Variants in KAZN observed in about 807,000 individuals in gnomAD.
The protein encoded by KAZN is kazrin.
Under a neutral mutation model 87.4 loss-of-function variants are expected in KAZN, and 40 were observed. The ratio of observed to expected loss-of-function variants is 0.46; its 90% confidence interval spans 0.36 to 0.60. The LOEUF (loss-of-function observed/expected upper bound fraction) is 0.60. Ranked by LOEUF, KAZN falls within the 20% of genes least tolerant of loss-of-function variation. The pLI is 0.00. For synonymous variants in KAZN, 466 were observed against 458.3 expected, an observed-to-expected ratio of 1.02 and a Z score of -0.22; for missense variants, 898 against 1,073.9, an observed-to-expected ratio of 0.84 and a Z score of 2.29.
chr1:15,085,759 A>G (rs1478688085), intron 8 of KAZN, among the ~76,000 whole-genome samples: 1 of 152,246 alleles, frequency 6.6e-6, no homozygotes, highest in Admixed American at 6.5e-5. Context: ...ATAGGAAAAA[A>G]TAGAATTAGA....
chr1:14,348,646 G>C (rs1178001473), intron 2 of KAZN, among the ~76,000 whole-genome samples: 1 of 152,140 alleles, frequency 6.6e-6, no homozygotes, highest in African/African-American at 2.4e-5. Flanking sequence ...GCGAAGAGGG[G>C]GATAGTTCAC....
intron 2 of KAZN, among the ~76,000 whole-genome samples, chr1:14,372,761 T>C (rs1420815247): frequency 1.3e-5 from 2 of 152,222 alleles, no homozygotes; most frequent in Admixed American, 1.3e-4. Context: ...AAAGAAACTA[T>C]GCATTCATTT....
In KAZN at chr1:14,115,447, T is replaced by C. The variant is rs75110739; in HGVS notation, c.92-64988T>C. 7.2e-4 allele frequency among the ~76,000 whole-genome samples: 110 copies of C among 152,280 alleles called. No individual in the cohort carries two copies. The East Asian group carries it at 0.021, about 29-fold the overall frequency. ...ATGATAGTGAATAAGTCTTATGAGATCTAATGGTTCCAAAAAGGGAACTTT... is the reference window on the plus strand; with the variant it reads ...ATGATAGTGAATAAGTCTTATGAGACCTAATGGTTCCAAAAAGGGAACTTT... On this transcript the variant is annotated intron_variant, in intron 1 of 16. Coordinates refer to the KAZN transcript ENST00000636203.
At chr1:14,583,937 G>T (rs913795872) in intron 2 of KAZN, among the ~76,000 whole-genome samples, 6 of 152,192 alleles carry the variant, frequency 3.9e-5, no homozygotes, top group Admixed American at 3.9e-4. Flanking sequence ...TGGAAGCCCA[G>T]TGTGTCTGAT....
intron 2 of KAZN, among the ~76,000 whole-genome samples, chr1:14,343,809 A>G (rs940620584): frequency 1.3e-5 from 2 of 152,200 alleles, no homozygotes; most frequent in African/African-American, 2.4e-5. Context: ...GGCACTTAAC[A>G]TGAGCGGGCA....
At chr1:14,828,415 A>G (rs927045686) in intron 1 of KAZN, among the ~76,000 whole-genome samples, 1 of 152,186 alleles carries the variant, frequency 6.6e-6, no homozygotes, top group African/African-American at 2.4e-5. Flanking sequence ...AATTACAGCT[A>G]TTATCGATCA....
At chr1:15,014,752 C>T (rs1345090118) in intron 2 of KAZN, among the ~76,000 whole-genome samples, 1 of 152,156 alleles carries the variant, frequency 6.6e-6, no homozygotes, top group Non-Finnish European at 1.5e-5. Context: ...AAGGGATGGT[C>T]AGACAGTCAG....
rs1451261289 is a variant in KAZN, at chr1:15,096,482, G to A, written c.1547+1549G>A. ...CCCAGCCCCTGCCCCCGACAGCCTC[G>A]TCCCCCAGCATGGCCTGCACTTGTG... is the stretch of plus-strand genomic sequence containing the variant. On this transcript the variant is annotated intron_variant, in intron 10 of 14. Coordinates refer to ENST00000376030, the MANE Select transcript of KAZN (RefSeq NM_201628.3). This position sits in a 1 kb window ranked among gnomAD's most constrained non-coding sequence, Gnocchi z 4.5. 4.6e-5 allele frequency among the ~76,000 whole-genome samples: 7 copies of A among 152,272 alleles called. No homozygotes were observed. Among genetic ancestry groups the A allele is most frequent in the African/African-American group, 9.6e-5 (4 of 41,568 alleles).
chr1:14,688,334 C>G (rs1286603917), intron 1 of KAZN, among the ~76,000 whole-genome samples: 1 of 152,224 alleles, frequency 6.6e-6, no homozygotes, highest in East Asian at 1.9e-4. Context: ...AGCTAGATGG[C>G]CTCTCAAGTT....
chr1:14,065,907 AG>A (rs1209398874), intron 1 of KAZN, among the ~76,000 whole-genome samples: 2 of 152,188 alleles, frequency 1.3e-5, no homozygotes, highest in Non-Finnish European at 2.9e-5. Flanking sequence ...CTGCCATTTT[AG>A]TGCATCTGTC....
At chr1:14,487,986 G>C (rs966611304) in intron 2 of KAZN, among the ~76,000 whole-genome samples, 3 of 152,214 alleles carry the variant, frequency 2.0e-5, no homozygotes, top group African/African-American at 7.2e-5. Context: ...GCTCAGAGGA[G>C]AGGTCTGTAG....
chr1:14,787,084 A>G (rs1645530790), intron 1 of KAZN, among the ~76,000 whole-genome samples: 1 of 152,168 alleles, frequency 6.6e-6, no homozygotes, highest in Admixed American at 6.5e-5. Flanking sequence ...TTCTTCCTGG[A>G]GGACAGAATG....
Position 15,065,740 on chromosome 1 carries a change from C to T in KAZN, c.1209C>T (p.Pro403=), listed in dbSNP as rs1399415185. The T allele has an allele frequency of 9.3e-6, 15 of 1,614,252 alleles. No individual in the cohort carries two copies. The South Asian group carries it at 9.9e-5, about 11-fold the overall frequency. Reference sequence around the variant, plus strand: ...GGAAGCAGCGGAAGTCCCTCGACCCCGGCCTCTTTGATGGTACCGCCCCTG... The same window carrying T: ...GGAAGCAGCGGAAGTCCCTCGACCCTGGCCTCTTTGATGGTACCGCCCCTG... ...ARGKQRKSLD[P]GLFDDSDSQC... Residue 403 remains proline (P), a synonymous_variant, in exon 8 of 15, where the codon CCC becomes CCT. Coordinates refer to ENST00000376030, the MANE Select transcript of KAZN (RefSeq NM_201628.3).
intron 1 of KAZN, among the ~76,000 whole-genome samples, chr1:14,859,580 T>C (rs1281266751): frequency 6.6e-6 from 1 of 152,188 alleles, no homozygotes; most frequent in Non-Finnish European, 1.5e-5. Flanking sequence ...AACCCTGATC[T>C]GATCCCAAAT....
intron 2 of KAZN, among the ~76,000 whole-genome samples, chr1:14,544,780 G>T (rs2148501405): frequency 6.6e-6 from 1 of 151,298 alleles, no homozygotes; most frequent in South Asian, 2.1e-4. Context: ...ATGTTACCCA[G>T]GCTGTTCTCA....
At chr1:14,193,213 G>T (rs1432451226) in intron 2 of KAZN, among the ~76,000 whole-genome samples, 1 of 152,200 alleles carries the variant, frequency 6.6e-6, no homozygotes, top group African/African-American at 2.4e-5. Flanking sequence ...ATGCTGAACT[G>T]TGAGTCAATT....
chr1:14,784,244 C>A (rs1645438388), intron 1 of KAZN, among the ~76,000 whole-genome samples: 1 of 152,200 alleles, frequency 6.6e-6, no homozygotes, highest in Non-Finnish European at 1.5e-5. Flanking sequence ...AGGACAGACT[C>A]CTTTTCCTGA....
At chr1:14,914,472 C>A (rs958973632) in intron 1 of KAZN, among the ~76,000 whole-genome samples, 3 of 152,238 alleles carry the variant, frequency 2.0e-5, no homozygotes, top group Non-Finnish European at 4.4e-5. Flanking sequence ...TACACAGGGG[C>A]TCTTACTCTA....
intron 1 of KAZN, among the ~76,000 whole-genome samples, chr1:14,106,641 T>C (rs1337500066): frequency 1.3e-5 from 2 of 152,224 alleles, no homozygotes; most frequent in Non-Finnish European, 2.9e-5. Context: ...GACTTGAAAT[T>C]GATCTTCCCT....
Sources: allele counts gnomAD v4.1 joint callset (sites outside exome capture counted in the v4.1 genomes callset), GRCh38; gene constraint gnomAD v4.1.1; non-coding constraint Gnocchi (gnomAD v3.1); transcripts MANE v1.5; gene names NCBI Gene and HGNC (gene_info 2026-07-23, HGNC 2026-07-21).